SLC4A4: variants seen among roughly 807,000 people sequenced by gnomAD.
SLC4A4 encodes electrogenic sodium bicarbonate cotransporter 1.
Under a neutral mutation model 111.5 loss-of-function variants are expected in SLC4A4, and 27 were observed. The ratio of observed to expected loss-of-function variants is 0.24; its 90% confidence interval spans 0.18 to 0.33. The LOEUF (loss-of-function observed/expected upper bound fraction) is 0.33, where lower values mean the gene tolerates loss of function less well. Ranked by LOEUF, SLC4A4 falls within the 10% of genes least tolerant of loss-of-function variation. The pLI is 1.00. For synonymous variants in SLC4A4, 443 were observed against 463.4 expected (o/e 0.96, Z 0.57); for missense variants, 909 against 1,315.5 (o/e 0.69, Z 4.78).
intron 8 of SLC4A4, among the ~76,000 whole-genome samples, chr4:71,444,433 G>C (rs183942750): frequency 6.6e-6 from 1 of 152,152 alleles, no homozygotes; most frequent in East Asian, 1.9e-4. Context: ...ATTTATGAGT[G>C]AATAAAAAGA....
At chr4:71,465,829 T>C (rs539501848) in intron 12 of SLC4A4, among the ~76,000 whole-genome samples, 6 of 152,112 alleles carry the variant, frequency 3.9e-5, no homozygotes, top group African/African-American at 7.2e-5. Context: ...TAGAAATAGT[T>C]AATTGAAGCT....
chr4:71,459,381 C>T (rs971575144), intron 12 of SLC4A4, among the ~76,000 whole-genome samples: 6 of 151,880 alleles, frequency 4.0e-5, no homozygotes, highest in Admixed American at 1.3e-4. Flanking sequence ...ACCCATCAAC[C>T]AGAATTGATC....
chr4:71,402,349 A>C (rs1720447030), intron 7 of SLC4A4, among the ~76,000 whole-genome samples: 2 of 152,184 alleles, frequency 1.3e-5, no homozygotes, highest in African/African-American at 4.8e-5. Flanking sequence ...TTTTGAACAT[A>C]GATTTCCATC....
In SLC4A4 at chr4:71,357,028, A is replaced by T. The variant is rs1730345486; in HGVS notation, c.571A>T (p.Ile191Phe). Residue 191 changes from isoleucine to phenylalanine, a missense_variant, in exon 6 of 26, where the codon ATT (isoleucine) becomes TTT (phenylalanine). This residue lies in a region of SLC4A4 where 312 missense variants were observed against 402.0 expected (regional missense o/e 0.78). Transcript: ENST00000264485. ...ACCAGAGATGATTGTTGACCATCAG[A>T]TTGAGACAGGCCTATTGAAACCTGA... ...QLVEMIVDHQ[I>F]ETGLLKPELK... 6.2e-7 allele frequency: 1 copy of T among 1,614,118 alleles called. No individual in the cohort carries two copies. The highest frequency in any genetic ancestry group is 8.5e-7 in the Non-Finnish European group (1 of 1,179,990).
At chr4:71,239,020 A>G (rs1361323493) in intron 2 of SLC4A4, among the ~76,000 whole-genome samples, 1 of 152,210 alleles carries the variant, frequency 6.6e-6, no homozygotes, top group African/African-American at 2.4e-5. Flanking sequence ...CATATTTTTA[A>G]TTGCATAGAG....
At chr4:71,474,781 A>G (rs1266471944) in intron 14 of SLC4A4, among the ~76,000 whole-genome samples, 3 of 151,942 alleles carry the variant, frequency 2.0e-5, no homozygotes, top group African/African-American at 7.2e-5. Context: ...TAGTTATGAA[A>G]GCTAACTAGC....
chr4:71,455,899 C>T (rs1030980217), intron 12 of SLC4A4, among the ~76,000 whole-genome samples: 4 of 152,106 alleles, frequency 2.6e-5, no homozygotes, highest in African/African-American at 9.7e-5. Flanking sequence ...GAAAGTAGAG[C>T]ACTCTATTAT....
intron 14 of SLC4A4, among the ~76,000 whole-genome samples, chr4:71,480,162 CA>C (rs1213201391): frequency 6.6e-6 from 1 of 151,494 alleles, no homozygotes; most frequent in African/African-American, 2.4e-5. Context: ...GCTAGGACTA[CA>C]GGCACATGCT....
At chr4:71,533,082 T>A (rs945233234) in intron 17 of SLC4A4, among the ~76,000 whole-genome samples, 1 of 152,106 alleles carries the variant, frequency 6.6e-6, no homozygotes, top group African/African-American at 2.4e-5. Context: ...AGATCATATA[T>A]TTGCTAAGAA....
chr4:71,079,764 A>T (rs1435916115), intron 1 of SLC4A4, among the ~76,000 whole-genome samples: 1 of 124,984 alleles, frequency 8.0e-6, no homozygotes, highest in East Asian at 2.6e-4. Context: ...TGATAGAATG[A>T]AACTCTGTCT....
At chr4:71,135,436 C>G (rs1472569477) in intron 2 of SLC4A4, among the ~76,000 whole-genome samples, 2 of 151,788 alleles carry the variant, frequency 1.3e-5, no homozygotes, top group Non-Finnish European at 2.9e-5. Flanking sequence ...GCCAGGACTA[C>G]AGGCCTGCAC....
At chr4:71,354,516 TGATTCA>T (rs1045557014) in intron 5 of SLC4A4, among the ~76,000 whole-genome samples, 4 of 152,220 alleles carry the variant, frequency 2.6e-5, no homozygotes, top group African/African-American at 9.6e-5. Context: ...TCATGGGGGT[TGATTCA>T]ATAAGAAACA....
At chr4:71,427,746 T>G (rs1203978061) in intron 7 of SLC4A4, among the ~76,000 whole-genome samples, 3 of 152,162 alleles carry the variant, frequency 2.0e-5, no homozygotes, top group Non-Finnish European at 4.4e-5. Flanking sequence ...ATATTCAGCC[T>G]GGAATTAAGC....
intron 2 of SLC4A4, among the ~76,000 whole-genome samples, chr4:71,134,697 C>T (rs1743796660): frequency 6.6e-6 from 1 of 152,168 alleles, no homozygotes; most frequent in Non-Finnish European, 1.5e-5. Flanking sequence ...GGCTGAGGGC[C>T]TCAGTAGCGC....
chr4:71,423,584 C>T (rs559552601), intron 7 of SLC4A4, among the ~76,000 whole-genome samples: 8 of 152,254 alleles, frequency 5.3e-5, no homozygotes, highest in Admixed American at 2.6e-4. Flanking sequence ...TACCTGACTT[C>T]AAACTATACT....
At chr4:71,204,302 G>A (rs2579303) in intron 1 of SLC4A4, among the ~76,000 whole-genome samples, 24,187 of 152,126 alleles carry the variant, frequency 0.16, 3,135 homozygotes, top group African/African-American at 0.33. Context: ...CCATGTGGGC[G>A]TAGAATAGCA....
rs932353415 is a variant in SLC4A4, at chr4:71,181,038, A to C, written c.-1-55538A>C. 5.9e-5 allele frequency among the ~76,000 whole-genome samples: 9 copies of C among 152,100 alleles called. 1 individual carries two copies. Among genetic ancestry groups the C allele is most frequent in the Admixed American group, 4.6e-4 (7 of 15,276 alleles). The stretch of plus-strand genomic sequence containing the variant: ...TACCATGGAATACTATGCAGCCATA[A>C]AAAATGATGAGTTCATGTCCTTTGT... On this transcript the variant is annotated intron_variant, in intron 2 of 26. Coordinates refer to the SLC4A4 transcript ENST00000649996.
intron 14 of SLC4A4, among the ~76,000 whole-genome samples, chr4:71,476,500 A>C (rs1728386514): frequency 1.3e-5 from 2 of 151,760 alleles, no homozygotes; most frequent in African/African-American, 4.8e-5. Flanking sequence ...GTGATCCTGC[A>C]AACTGAGAAA....
At position 71,481,060 on chromosome 4, in the gene SLC4A4, C is replaced by T. The variant is rs78848867; in HGVS notation, c.1904-5888C>T. Among the ~76,000 whole-genome samples, 800 of 151,774 alleles carry T rather than the reference C, an allele frequency of 5.3e-3. 5 individuals carry two copies. The highest frequency in any genetic ancestry group is 0.018 in the African/African-American group (762 of 41,480). ...TGCCTACACTGTGTTATTTTATCTGCACAGTAACCTTATGAGGTAGATGGT... is the reference window on the plus strand; with the variant it reads ...TGCCTACACTGTGTTATTTTATCTGTACAGTAACCTTATGAGGTAGATGGT... On this transcript the variant is annotated intron_variant, in intron 14 of 25. Coordinates refer to ENST00000264485, the MANE Select transcript of SLC4A4 (RefSeq NM_001098484.3).
Sources: allele counts gnomAD v4.1 joint callset (sites outside exome capture counted in the v4.1 genomes callset), GRCh38; gene constraint gnomAD v4.1.1; regional missense constraint gnomAD v4.1.1; transcripts MANE v1.5; gene names NCBI Gene and HGNC (gene_info 2026-07-23, HGNC 2026-07-21).